The following FARP1 variants were observed in gnomAD, a reference collection of about 807,000 sequenced individuals.
The protein encoded by FARP1 is FERM, ARH/RhoGEF and pleckstrin domain protein 1.
A neutral mutation model predicts 128.8 loss-of-function variants in FARP1; 52 were observed. That is an observed-to-expected ratio of 0.40 (90% CI 0.32 to 0.51). The LOEUF is 0.51. Ranked by LOEUF, FARP1 falls within the 20% of genes least tolerant of loss-of-function variation. FARP1 has a pLI of 0.45. For missense variants in FARP1, 1,333 were observed against 1,367.9 expected, an observed-to-expected ratio of 0.97 and a Z score of 0.40; for synonymous variants, 580 against 551.8, an observed-to-expected ratio of 1.05 and a Z score of -0.72.
intron 2 of FARP1, among the ~76,000 whole-genome samples, chr13:98,324,493 G>T (rs973494703): frequency 1.3e-5 from 2 of 152,098 alleles, no homozygotes; most frequent in Non-Finnish European, 2.9e-5. Flanking sequence ...TCTAAAGAGC[G>T]TGTTGGAATC....
At chr13:98,202,580 T>A (rs570495112) in intron 1 of FARP1, among the ~76,000 whole-genome samples, 1 of 152,314 alleles carries the variant, frequency 6.6e-6, no homozygotes, top group African/African-American at 2.4e-5. Context: ...TTGAAAGTAG[T>A]TCCTCTTCAC....
At chr13:98,370,271 A>T (rs1236108111) in intron 5 of FARP1, among the ~76,000 whole-genome samples, 1 of 152,140 alleles carries the variant, frequency 6.6e-6, no homozygotes, top group Non-Finnish European at 1.5e-5. Context: ...TACATAAAGG[A>T]GGGCCAGCAT....
intron 4 of FARP1, among the ~76,000 whole-genome samples, chr13:98,365,913 G>GTGTGTGTGTGTGTGTGTGTGTGTGTA (rs1239165336): frequency 6.6e-6 from 1 of 151,666 alleles, no homozygotes; most frequent in African/African-American, 2.4e-5. Flanking sequence ...GTGTGTGTGT[G>GTGTGTGTGTGTGTGTGTGTGTGTGTA]TGTGTTTCTG....
intron 3 of FARP1, among the ~76,000 whole-genome samples, chr13:98,348,857 G>A (rs925923415): frequency 9.9e-5 from 15 of 152,218 alleles, no homozygotes; most frequent in African/African-American, 3.4e-4. Flanking sequence ...GCCAATCTCT[G>A]TGGTAGGTAT....
At chr13:98,447,931 A>AAAT (rs1329210883) in intron 26 of FARP1, 3 of 422,136 alleles carry the variant, frequency 7.1e-6, no homozygotes, top group Non-Finnish European at 1.3e-5. Flanking sequence ...ATGTCCATGA[A>AAAT]AATAGGAGGT....
At chr13:98,161,382 ATTTT>A (rs1876873351) in intron 1 of FARP1, among the ~76,000 whole-genome samples, 5 of 151,188 alleles carry the variant, frequency 3.3e-5, no homozygotes, top group Middle Eastern at 6.8e-3. Context: ...TGCCCGGCTA[ATTTT>A]TTGTATTTTT....
chr13:98,453,231 G>T lies in FARP1; in HGVS notation c.*4914G>T. 1 of 1,607,990 alleles carries T rather than the reference G, an allele frequency of 6.2e-7. No homozygotes were observed. Among genetic ancestry groups the T allele is most frequent in the Non-Finnish European group, 8.5e-7 (1 of 1,176,562 alleles). On this transcript the variant is annotated 3_prime_UTR_variant, in exon 27 of 27. Coordinates refer to ENST00000319562, the MANE Select transcript of FARP1 (RefSeq NM_005766.4). ...GTATCTAGGGAAAAAGAGAGAGAGAGAAGTCAACACATGTCATTTCTCATC... is the reference window on the plus strand; with the variant it reads ...GTATCTAGGGAAAAAGAGAGAGAGATAAGTCAACACATGTCATTTCTCATC...
chr13:98,305,913 AC>A (rs1194420497), intron 2 of FARP1, among the ~76,000 whole-genome samples: 1 of 149,936 alleles, frequency 6.7e-6, no homozygotes, highest in Non-Finnish European at 1.5e-5. Flanking sequence ...CTTTTCAGTT[AC>A]CCATTTTTGT....
intron 2 of FARP1, among the ~76,000 whole-genome samples, chr13:98,225,791 C>G (rs1392854341): frequency 3.3e-5 from 5 of 152,164 alleles, no homozygotes; most frequent in Non-Finnish European, 7.3e-5. Flanking sequence ...TTATTTTTGC[C>G]CTCTTGTCTG....
At chr13:98,171,848 T>G (rs1402755355) in intron 1 of FARP1, among the ~76,000 whole-genome samples, 1 of 152,188 alleles carries the variant, frequency 6.6e-6, no homozygotes, top group Non-Finnish European at 1.5e-5. Flanking sequence ...ATTTTTGAGT[T>G]GACCATTCAG....
chr13:98,261,579 AT>A (rs1391570077), intron 2 of FARP1, among the ~76,000 whole-genome samples: 1 of 149,400 alleles, frequency 6.7e-6, no homozygotes, highest in Non-Finnish European at 1.5e-5. Context: ...GGAAGGGTGG[AT>A]AAATTATGTG....
intron 2 of FARP1, among the ~76,000 whole-genome samples, chr13:98,324,475 C>G (rs1566879205): frequency 6.6e-6 from 1 of 152,170 alleles, no homozygotes; most frequent in Non-Finnish European, 1.5e-5. Context: ...GATGATCCAT[C>G]AGTTCAGTCT....
chr13:98,178,689 A>G (rs9517208), intron 1 of FARP1, among the ~76,000 whole-genome samples: 56,862 of 152,030 alleles, frequency 0.37, 10,716 homozygotes, highest in East Asian at 0.52. Flanking sequence ...GCTCACTTGT[A>G]GTGCCCCCAA....
intron 2 of FARP1, among the ~76,000 whole-genome samples, chr13:98,215,939 TG>T (rs1298655173): frequency 6.6e-6 from 1 of 152,094 alleles, no homozygotes; most frequent in African/African-American, 2.4e-5. Context: ...GATAGGTGCC[TG>T]CCACCACACC....
chr13:98,417,366 G>A (rs189965786), intron 16 of FARP1, among the ~76,000 whole-genome samples: 16 of 143,232 alleles, frequency 1.1e-4, no homozygotes, highest in East Asian at 1.1e-3. Context: ...GAATCTTCTC[G>A]ACTATACCTT....
intron 13 of FARP1, chr13:98,396,743 G>C (rs1476235980): frequency 2.5e-5 from 9 of 357,380 alleles, no homozygotes; most frequent in Non-Finnish European, 4.0e-5. Context: ...AAGTTCTCAG[G>C]AGCTTGTTTA....
At chr13:98,406,040 T>C (rs1890958127) in intron 13 of FARP1, 1 of 152,222 alleles carries the variant, frequency 6.6e-6, no homozygotes, top group Admixed American at 6.5e-5. Context: ...AAAAATTGAT[T>C]CCACGTAGTT....
At chr13:98,416,045 T>C (rs1474451153) in intron 16 of FARP1, among the ~76,000 whole-genome samples, 2 of 152,256 alleles carry the variant, frequency 1.3e-5, no homozygotes, top group Non-Finnish European at 2.9e-5. Flanking sequence ...CTGATCATTT[T>C]TTAAAAATTA....
chr13:98,294,222 A>T (rs1307977079), intron 2 of FARP1, among the ~76,000 whole-genome samples: 1 of 152,160 alleles, frequency 6.6e-6, no homozygotes, highest in African/African-American at 2.4e-5. Context: ...AGCTCCGTGA[A>T]ATTTAACATT....
Sources: gnomAD v4.1 joint callset for allele counts (sites outside exome capture counted in the v4.1 genomes callset) on GRCh38, gnomAD v4.1.1 for gene constraint, MANE v1.5 for transcripts, NCBI Gene and HGNC (gene_info 2026-07-23, HGNC 2026-07-21) for gene names.